The following TUSC3 variants were observed in gnomAD, a reference collection of about 807,000 sequenced individuals.
TUSC3 encodes the protein dolichyl-diphosphooligosaccharide--protein glycosyltransferase subunit TUSC3.
In TUSC3, 45 loss-of-function variants were observed where a neutral mutation model predicts 44.8. The ratio of observed to expected loss-of-function variants is 1.00; its 90% confidence interval spans 0.79 to 1.29. The LOEUF (loss-of-function observed/expected upper bound fraction) is 1.29, where lower values mean the gene tolerates loss of function less well. Ranked by LOEUF, TUSC3 falls within the 50% of genes most tolerant of loss-of-function variation. TUSC3 has a pLI of 0.00. For synonymous variants in TUSC3, 212 were observed against 152.9 expected, an observed-to-expected ratio of 1.39 and a Z score of -2.85; for missense variants, 519 against 437.9, an observed-to-expected ratio of 1.19 and a Z score of -1.65.
the TUSC3 span, among the ~76,000 whole-genome samples, chr8:15,848,200 C>G: frequency 1.3e-5 from 2 of 152,166 alleles, no homozygotes; most frequent in Non-Finnish European, 2.9e-5. Flanking sequence ...CCTCAGCTGT[C>G]ATGGATCAAC....
intron 1 of TUSC3, among the ~76,000 whole-genome samples, chr8:15,545,432 C>T (rs368125292): frequency 5.9e-5 from 9 of 151,562 alleles, no homozygotes; most frequent in African/African-American, 2.2e-4. Flanking sequence ...GAGACATTAT[C>T]TTTATTAAAC....
At chr8:15,525,404 T>C (rs1240500807) in intron 2 of TUSC3, among the ~76,000 whole-genome samples, 1 of 152,222 alleles carries the variant, frequency 6.6e-6, no homozygotes, top group East Asian at 1.9e-4. Context: ...TGTTAAATTC[T>C]AACAAGCTTG....
intron 2 of TUSC3, among the ~76,000 whole-genome samples, chr8:15,525,950 T>G (rs1801367908): frequency 6.6e-6 from 1 of 152,078 alleles, no homozygotes; most frequent in Non-Finnish European, 1.5e-5. Context: ...TGTTTAAATT[T>G]AATTATTTTG....
intron 7 of TUSC3, among the ~76,000 whole-genome samples, chr8:15,743,222 T>C (rs1811269478): frequency 6.6e-6 from 1 of 152,226 alleles, no homozygotes; most frequent in Non-Finnish European, 1.5e-5. Context: ...CATATCTTTA[T>C]GTATAATGTG....
At chr8:15,469,889 C>G (rs561446564) in intron 1 of TUSC3, among the ~76,000 whole-genome samples, 2 of 152,090 alleles carry the variant, frequency 1.3e-5, no homozygotes, top group African/African-American at 2.4e-5. Context: ...AGAAGCCAGT[C>G]TGAAAAGACT....
At chr8:15,740,602 T>G (rs990708670) in intron 7 of TUSC3, among the ~76,000 whole-genome samples, 1 of 152,074 alleles carries the variant, frequency 6.6e-6, no homozygotes, top group Non-Finnish European at 1.5e-5. Context: ...AACCAAGTGG[T>G]GAGCTATTCG....
At chr8:15,634,111 G>A (rs1585175630) in intron 2 of TUSC3, among the ~76,000 whole-genome samples, 2 of 152,158 alleles carry the variant, frequency 1.3e-5, no homozygotes, top group East Asian at 3.9e-4. Flanking sequence ...TACCTAATGT[G>A]GTATTGGAGC....
rs961370387 is a variant in TUSC3, at chr8:15,603,682, A to G, written c.139-19398A>G. ...TGATAGCCATTACAAGTTCAAAATG[A>G]TGATGAACATGAACTGTGTCTTGAG... is the stretch of plus-strand genomic sequence containing the variant. On this transcript the variant is annotated intron_variant, in intron 1 of 10. Coordinates refer to ENST00000503731, the MANE Select transcript of TUSC3 (RefSeq NM_006765.4). Among the ~76,000 whole-genome samples, 8 of 151,636 alleles carry G rather than the reference A, an allele frequency of 5.3e-5. No individual in the cohort carries two copies. The South Asian group carries it at 6.2e-4, about 12-fold the overall frequency.
At chr8:15,706,030 C>A (rs898108019) in intron 6 of TUSC3, among the ~76,000 whole-genome samples, 1 of 151,922 alleles carries the variant, frequency 6.6e-6, no homozygotes, top group Admixed American at 6.6e-5. Context: ...TTGGATCTCT[C>A]AAATTTTAGC....
chr8:15,669,508 C>T (rs1807845937), intron 5 of TUSC3, among the ~76,000 whole-genome samples: 1 of 151,610 alleles, frequency 6.6e-6, no homozygotes, highest in Non-Finnish European at 1.5e-5. Flanking sequence ...AAATTACAGA[C>T]AGTAATAAAT....
the TUSC3 span, among the ~76,000 whole-genome samples, chr8:15,786,895 G>A: frequency 7.5e-6 from 1 of 133,172 alleles, no homozygotes; most frequent in African/African-American, 2.9e-5. Flanking sequence ...AGTGAGCCGA[G>A]ATCGTGCCAC....
intron 2 of TUSC3, among the ~76,000 whole-genome samples, chr8:15,624,658 TTAAA>T (rs1250201370): frequency 1.3e-5 from 2 of 152,220 alleles, no homozygotes; most frequent in African/African-American, 4.8e-5. Context: ...ATTGGATTCT[TTAAA>T]TGAGTTTTGA....
chr8:15,843,670 T>A, the TUSC3 span, among the ~76,000 whole-genome samples: 1 of 145,344 alleles, frequency 6.9e-6, no homozygotes, highest in East Asian at 1.9e-4. Context: ...TGTTTATAAT[T>A]ATCTATATCT....
intron 6 of TUSC3, among the ~76,000 whole-genome samples, chr8:15,721,943 A>T (rs1284491701): frequency 6.6e-6 from 1 of 151,842 alleles, no homozygotes; most frequent in Non-Finnish European, 1.5e-5. Flanking sequence ...CTATCCTAAT[A>T]GTATAGTATT....
At chr8:15,789,978 G>A in the TUSC3 span, among the ~76,000 whole-genome samples, 1 of 152,108 alleles carries the variant, frequency 6.6e-6, no homozygotes, top group Non-Finnish European at 1.5e-5. Flanking sequence ...AACCAGAGCT[G>A]CTCCTTGCAG....
intron 2 of TUSC3, among the ~76,000 whole-genome samples, chr8:15,507,093 A>G (rs1170534050): frequency 6.6e-6 from 1 of 152,148 alleles, no homozygotes; most frequent in Non-Finnish European, 1.5e-5. Flanking sequence ...TTTTTCTCCA[A>G]TTAACTTGCC....
At chr8:15,668,464 A>T (rs1168486522) in intron 5 of TUSC3, among the ~76,000 whole-genome samples, 1 of 151,784 alleles carries the variant, frequency 6.6e-6, no homozygotes, top group Non-Finnish European at 1.5e-5. Context: ...ATCTATGAAG[A>T]ACCATGTGGA....
chr8:15,423,116 T>C (rs1207413044), intron 1 of TUSC3, among the ~76,000 whole-genome samples: 1 of 152,192 alleles, frequency 6.6e-6, no homozygotes, highest in African/African-American at 2.4e-5. Context: ...AAGTGTTTCT[T>C]AGTTTCTTAT....
At chr8:15,813,665 G>A in the TUSC3 span, among the ~76,000 whole-genome samples, 6 of 152,200 alleles carry the variant, frequency 3.9e-5, no homozygotes, top group Non-Finnish European at 8.8e-5. Context: ...AATATAATGT[G>A]GGGAAATGTA....
Sources: gnomAD v4.1 joint callset for allele counts (sites outside exome capture counted in the v4.1 genomes callset) on GRCh38, gnomAD v4.1.1 for gene constraint, MANE v1.5 for transcripts, NCBI Gene and HGNC (gene_info 2026-07-23, HGNC 2026-07-21) for gene names.